ZBTB8A: variants seen among roughly 807,000 people sequenced by gnomAD.
ZBTB8A encodes zinc finger and BTB domain-containing protein 8A.
A neutral mutation model predicts 37.8 loss-of-function variants in ZBTB8A; 19 were observed. The ratio of observed to expected loss-of-function variants is 0.50; its 90% CI spans 0.35 to 0.74. The LOEUF is 0.74. Among genes scored for constraint, ZBTB8A ranks in the 30% least tolerant of loss-of-function variants. The probability of loss-of-function intolerance (pLI) is 0.01; values close to 1 mark genes in which losing one functional copy is unlikely to be tolerated. For synonymous variants in ZBTB8A, 181 were observed against 185.2 expected (o/e 0.98, Z 0.19); for missense variants, 394 against 537.8 (o/e 0.73, Z 2.65).
At chr1:32,568,541 T>A (rs1248695314) in intron 2 of ZBTB8A, among the ~76,000 whole-genome samples, 1 of 152,054 alleles carries the variant, frequency 6.6e-6, no homozygotes, top group East Asian at 1.9e-4. Flanking sequence ...CGCCCGCCAC[T>A]ACGCCCGGCT....
intron 1 of ZBTB8A, among the ~76,000 whole-genome samples, chr1:32,547,713 T>A (rs1570309786): frequency 7.0e-6 from 1 of 142,414 alleles, no homozygotes; most frequent in Non-Finnish European, 1.5e-5. Context: ...AAGGCTGAGG[T>A]GGGAGGATCA....
At chr1:32,574,064 G>A (rs761331712) in intron 2 of ZBTB8A, among the ~76,000 whole-genome samples, 54 of 151,684 alleles carry the variant, frequency 3.6e-4, no homozygotes, top group Admixed American at 3.2e-3. Flanking sequence ...CAACAAGAGC[G>A]AAAACTCTGT....
chr1:32,553,057 TTA>T (rs1434062569), intron 1 of ZBTB8A, among the ~76,000 whole-genome samples: 1 of 151,488 alleles, frequency 6.6e-6, no homozygotes, highest in Non-Finnish European at 1.5e-5. Context: ...ACAGAGGCTC[TTA>T]TATAATTTTT....
intron 2 of ZBTB8A, among the ~76,000 whole-genome samples, chr1:32,584,508 C>CTTTTTTTTTTTT (rs1177778440): frequency 1.7e-3 from 198 of 117,788 alleles, no homozygotes; most frequent in Non-Finnish European, 2.3e-3. Context: ...TTCTTTCTTT[C>CTTTTTTTTTTTT]TTTTTTTTTT....
intron 2 of ZBTB8A, among the ~76,000 whole-genome samples, chr1:32,561,246 T>G (rs112341735): frequency 4.9e-4 from 75 of 152,330 alleles, no homozygotes; most frequent in African/African-American, 1.8e-3. Flanking sequence ...CTATATCTTC[T>G]GCCTAGAATG....
chr1:32,578,785 C>T (rs901970469), intron 2 of ZBTB8A, among the ~76,000 whole-genome samples: 2 of 151,952 alleles, frequency 1.3e-5, no homozygotes, highest in African/African-American at 2.4e-5. Flanking sequence ...GTGATCATAG[C>T]GCGCTACAGC....
At chr1:32,582,349 T>C (rs895807684) in intron 2 of ZBTB8A, among the ~76,000 whole-genome samples, 3 of 152,086 alleles carry the variant, frequency 2.0e-5, no homozygotes, top group Non-Finnish European at 2.9e-5. Flanking sequence ...GCATTTTGGA[T>C]AAAGGATACT....
At position 32,544,492 on chromosome 1, in the gene ZBTB8A, T is replaced by TTC. The variant is rs1644085866; in HGVS notation, c.-84+4921_-84+4922dup. Among the ~76,000 whole-genome samples, 6 of 151,372 alleles carry TTC rather than the reference T, an allele frequency of 4.0e-5. No individual in the cohort carries two copies. The South Asian group carries it at 1.3e-3, about 32-fold the overall frequency. On this transcript the variant is annotated intron_variant, in intron 1 of 4. Coordinates refer to ENST00000373510, the MANE Select transcript of ZBTB8A (RefSeq NM_001040441.3). ...GTGGGTGGATCACCGAGGTCAGGAG[T>TTC]TCAAGACAAGCCTGGCCAACATGGC... is the stretch of plus-strand genomic sequence containing the variant.
chr1:32,596,057 GA>G (rs1644528946), intron 4 of ZBTB8A, among the ~76,000 whole-genome samples: 1 of 152,046 alleles, frequency 6.6e-6, no homozygotes, highest in Admixed American at 6.5e-5. Flanking sequence ...CAGATTGCTT[GA>G]GGCCAGTTCA....
chr1:32,575,275 G>A (rs1172086006), intron 2 of ZBTB8A, among the ~76,000 whole-genome samples: 2 of 131,292 alleles, frequency 1.5e-5, no homozygotes, highest in South Asian at 2.3e-4. Context: ...CCCCGAGGCT[G>A]GAGTGCAGTG....
Position 32,600,192 on chromosome 1 carries a change from G to A in ZBTB8A, c.1099G>A (p.Glu367Lys), listed in dbSNP as rs1267424813. 1.9e-6 allele frequency: 3 copies of A among 1,614,112 alleles called. No homozygotes were observed. The African/African-American group carries it at 4.0e-5, about 22-fold the overall frequency. The change falls in exon 5 of 5, where the codon GAG becomes AAG. Residue 367 changes from glutamate (E) to lysine (K), a missense_variant. This residue lies in a region of ZBTB8A where 85 missense variants were observed against 89.0 expected (regional missense o/e 0.95). Transcript: ENST00000373510. The part of the protein sequence containing the change: ...EGTRRYRLCN[E>K]CLAEFGIDSL... ...AACCAGGCGCTACAGACTGTGTAAT[G>A]AGTGTCTTGCAGAATTTGGCATAGA...
chr1:32,582,934 A>G (rs1644418765), intron 2 of ZBTB8A, among the ~76,000 whole-genome samples: 1 of 152,188 alleles, frequency 6.6e-6, no homozygotes, highest in African/African-American at 2.4e-5. Flanking sequence ...GAAGCCCATT[A>G]CTAGTAGAAC....
At chr1:32,568,532 G>A (rs979217357) in intron 2 of ZBTB8A, among the ~76,000 whole-genome samples, 4 of 151,500 alleles carry the variant, frequency 2.6e-5, no homozygotes, top group Non-Finnish European at 5.9e-5. Flanking sequence ...GACTGCAGGC[G>A]CCCGCCACTA....
At chr1:32,585,426 A>T (rs1200195884) in intron 2 of ZBTB8A, among the ~76,000 whole-genome samples, 1 of 152,076 alleles carries the variant, frequency 6.6e-6, no homozygotes, top group Admixed American at 6.6e-5. Context: ...ACCAGTAATA[A>T]TGCAATAGGA....
chr1:32,580,938 C>A (rs1029933124), intron 2 of ZBTB8A, among the ~76,000 whole-genome samples: 7 of 150,760 alleles, frequency 4.6e-5, no homozygotes, highest in Non-Finnish European at 8.8e-5. Flanking sequence ...AACCCACTCC[C>A]AAGATAACGG....
chr1:32,585,603 G>T (rs1331727102), intron 2 of ZBTB8A, among the ~76,000 whole-genome samples: 1 of 152,082 alleles, frequency 6.6e-6, no homozygotes, highest in African/African-American at 2.4e-5. Flanking sequence ...TTATAAAGAT[G>T]TGAATTCTCC....
chr1:32,567,825 A>AAAAAAC (rs1644294123), intron 2 of ZBTB8A, among the ~76,000 whole-genome samples: 9 of 63,664 alleles, frequency 1.4e-4, no homozygotes, highest in Non-Finnish European at 1.9e-4. Context: ...AAAAAAAAAC[A>AAAAAAC]AAAACAAAAC....
At chr1:32,598,358 G>A (rs370925940) in intron 4 of ZBTB8A, among the ~76,000 whole-genome samples, 19 of 149,194 alleles carry the variant, frequency 1.3e-4, no homozygotes, top group African/African-American at 3.9e-4. Context: ...TCAGCCTCCC[G>A]TGTAGCTGGG....
intron 2 of ZBTB8A, among the ~76,000 whole-genome samples, chr1:32,566,652 A>G (rs748620155): frequency 1.3e-5 from 2 of 152,228 alleles, no homozygotes; most frequent in Non-Finnish European, 2.9e-5. Context: ...TGTAGTTTCT[A>G]TGACAATAGC....
Sources: allele counts gnomAD v4.1 joint callset (sites outside exome capture counted in the v4.1 genomes callset), GRCh38; gene constraint gnomAD v4.1.1; regional missense constraint gnomAD v4.1.1; transcripts MANE v1.5; gene names NCBI Gene and HGNC (gene_info 2026-07-23, HGNC 2026-07-21).